Variants in ATP10B observed in about 807,000 individuals in gnomAD.
The protein encoded by ATP10B is phospholipid-transporting ATPase VB.
ATP10B carries 122 observed loss-of-function variants against 141.2 expected under a neutral mutation model. That is an observed-to-expected ratio of 0.86 (90% CI 0.75 to 1.00). The LOEUF is 1.00. Among genes scored for constraint, ATP10B ranks in the 50% least tolerant of loss-of-function variants. The pLI, the probability that ATP10B is intolerant of heterozygous loss-of-function variation, is 0.00. For missense variants in ATP10B, 1,876 were observed against 1,825.3 expected (o/e 1.03, Z -0.51); for synonymous variants, 685 against 692.0 (o/e 0.99, Z 0.16).
intron 3 of ATP10B, among the ~76,000 whole-genome samples, chr5:160,701,638 T>A (rs1047017035): frequency 4.6e-4 from 70 of 151,854 alleles, no homozygotes; most frequent in African/African-American, 1.6e-3. Flanking sequence ...AGTCACCCCC[T>A]CCTACCCTAA....
At chr5:160,656,686 T>TA (rs1018379641) in intron 7 of ATP10B, among the ~76,000 whole-genome samples, 4 of 152,112 alleles carry the variant, frequency 2.6e-5, no homozygotes, top group South Asian at 2.1e-4. Context: ...CTCTTTTTTT[T>TA]ATAGTCACAA....
chr5:160,652,295 T>C (rs116044874), intron 7 of ATP10B, among the ~76,000 whole-genome samples: 1,538 of 152,142 alleles, frequency 0.01, 18 homozygotes, highest in African/African-American at 0.035. Context: ...GAGGGGCATA[T>C]GGGTCCTGCT....
At chr5:160,807,747 C>A (rs374021759) in intron 1 of ATP10B, among the ~76,000 whole-genome samples, 3 of 152,146 alleles carry the variant, frequency 2.0e-5, no homozygotes, top group Admixed American at 1.3e-4. Context: ...TAGATGAATT[C>A]TTTTTAAATG....
chr5:160,809,446 T>C (rs1408658189), intron 1 of ATP10B, among the ~76,000 whole-genome samples: 1 of 152,204 alleles, frequency 6.6e-6, no homozygotes, highest in East Asian at 1.9e-4. Context: ...CTGGTGTGCA[T>C]AGTGATGTTG....
chr5:160,706,770 C>G (rs907127086), intron 3 of ATP10B, among the ~76,000 whole-genome samples: 4 of 152,124 alleles, frequency 2.6e-5, no homozygotes, highest in Non-Finnish European at 5.9e-5. Flanking sequence ...GGACAATGAA[C>G]TAAACAACAG....
intron 25 of ATP10B, among the ~76,000 whole-genome samples, chr5:160,566,947 C>T (rs1348212866): frequency 1.3e-5 from 2 of 152,160 alleles, no homozygotes; most frequent in Non-Finnish European, 2.9e-5. Flanking sequence ...CTACCCCTGG[C>T]CAACCCCTGC....
chr5:160,827,037 T>C (rs1015198648), intron 1 of ATP10B, among the ~76,000 whole-genome samples: 2 of 152,200 alleles, frequency 1.3e-5, no homozygotes, highest in Non-Finnish European at 2.9e-5. Flanking sequence ...ATCTTTGTTC[T>C]CCTTTTTGCC....
chr5:160,826,613 T>A (rs1774620765), intron 1 of ATP10B, among the ~76,000 whole-genome samples: 1 of 152,148 alleles, frequency 6.6e-6, no homozygotes, highest in Non-Finnish European at 1.5e-5. Flanking sequence ...AAGGTCTGAC[T>A]GCCTGCAGGG....
At chr5:160,895,143 C>T in the ATP10B span, among the ~76,000 whole-genome samples, 2 of 152,150 alleles carry the variant, frequency 1.3e-5, no homozygotes, top group African/African-American at 2.4e-5. Flanking sequence ...GAAACTGCGT[C>T]AACTCATGGA....
At chr5:160,915,103 A>G in the ATP10B span, among the ~76,000 whole-genome samples, 1 of 152,216 alleles carries the variant, frequency 6.6e-6, no homozygotes, top group East Asian at 1.9e-4. Flanking sequence ...TAGCCTCACA[A>G]GTAACTCCCT....
intron 1 of ATP10B, among the ~76,000 whole-genome samples, chr5:160,804,533 G>A (rs1218800946): frequency 6.6e-6 from 1 of 152,182 alleles, no homozygotes; most frequent in Non-Finnish European, 1.5e-5. Context: ...TGAGCCCATA[G>A]TCATATAGCT....
At chr5:160,634,939 T>C (rs1759249581) in intron 11 of ATP10B, among the ~76,000 whole-genome samples, 2 of 152,218 alleles carry the variant, frequency 1.3e-5, no homozygotes, top group African/African-American at 4.8e-5. Context: ...CCCGCTTTTA[T>C]AGGTATTCAG....
chr5:160,836,402 G>A (rs2127982340), intron 1 of ATP10B, among the ~76,000 whole-genome samples: 1 of 152,126 alleles, frequency 6.6e-6, no homozygotes, highest in East Asian at 1.9e-4. Context: ...TGAATTATTT[G>A]TGTAATGTCT....
intron 1 of ATP10B, among the ~76,000 whole-genome samples, chr5:160,799,224 G>A (rs566261191): frequency 6.6e-6 from 1 of 152,164 alleles, no homozygotes; most frequent in Admixed American, 6.5e-5. Context: ...TACAATGTCT[G>A]TGCCATTTGC....
intron 2 of ATP10B, among the ~76,000 whole-genome samples, chr5:160,739,783 A>G (rs1181051740): frequency 2.6e-5 from 4 of 152,170 alleles, no homozygotes; most frequent in Non-Finnish European, 4.4e-5. Context: ...ATTTATATCC[A>G]TAAACATTTT....
intron 1 of ATP10B, among the ~76,000 whole-genome samples, chr5:160,849,618 T>TATACACACACACACAC (rs1554125252): frequency 6.8e-6 from 1 of 148,130 alleles, no homozygotes; most frequent in Non-Finnish European, 1.5e-5. Context: ...TACTGGCAAT[T>TATACACACACACACAC]ACACACACAC....
At chr5:160,634,850 G>A (rs1271902916) in intron 11 of ATP10B, among the ~76,000 whole-genome samples, 2 of 152,244 alleles carry the variant, frequency 1.3e-5, no homozygotes, top group African/African-American at 4.8e-5. Context: ...ACTGAGCTGG[G>A]AGGGAGTGAG....
At chr5:160,603,791 T>G (rs1288486999) in intron 20 of ATP10B, 174 bp downstream of exon 20, 8 of 560,196 alleles carry the variant, frequency 1.4e-5, no homozygotes, top group Non-Finnish European at 2.6e-5. Flanking sequence ...ACTACGAAAG[T>G]GTACATTTGC....
In ATP10B at chr5:160,812,020, C is replaced by CAGAGACAGAG. The variant is rs1554119636; in HGVS notation, c.-575-26218_-575-26217insCTCTGTCTCT. Among the ~76,000 whole-genome samples the CAGAGACAGAG allele has an allele frequency of 4.2e-4, 47 of 111,520 alleles. No homozygotes were observed. The East Asian group carries it at 8.0e-3, about 19-fold the overall frequency. The allele number at this position is 111,520 out of a possible 152,430, so 73.2% of individuals were successfully genotyped here. A position where few individuals can be genotyped will look rare whatever the true frequency, so the allele number is the denominator to read the frequency against. On this transcript the variant is annotated intron_variant, in intron 1 of 25. Transcript: ENST00000327245. Reference sequence around the variant, plus strand: ...AGAGAGACAGAGACAGAGACAGAGACAGAGAGAGAGAGAGAGAGAGAGAGA... The same window carrying CAGAGACAGAG: ...AGAGAGACAGAGACAGAGACAGAGACAGAGACAGAGAGAGAGAGAGAGAGAGAGAGAGAGA...
Sources: allele counts gnomAD v4.1 joint callset (sites outside exome capture counted in the v4.1 genomes callset), GRCh38; gene constraint gnomAD v4.1.1; transcripts MANE v1.5; gene names NCBI Gene and HGNC (gene_info 2026-07-23, HGNC 2026-07-21).